Variants in PAK5 observed in about 807,000 individuals in gnomAD.
PAK5 encodes serine/threonine-protein kinase PAK 5.
Under a neutral mutation model 65.9 loss-of-function variants are expected in PAK5, and 16 were observed. The observed-to-expected ratio is 0.24, with a 90% CI of 0.16 to 0.37. PAK5 has a LOEUF of 0.37. PAK5 is among the 10% of genes least tolerant of loss of function. The pLI, the probability that PAK5 is intolerant of heterozygous loss-of-function variation, is 1.00. For synonymous variants in PAK5, 371 were observed against 354.9 expected (o/e 1.05, Z -0.51); for missense variants, 785 against 903.9 (o/e 0.87, Z 1.69).
At chr20:9,694,619 C>T (rs2047844118) in intron 2 of PAK5, among the ~76,000 whole-genome samples, 1 of 151,972 alleles carries the variant, frequency 6.6e-6, no homozygotes, top group Non-Finnish European at 1.5e-5. Flanking sequence ...ATTGATTGGT[C>T]TGCTTGATTT....
chr20:9,738,818 T>TTG (rs35705495), intron 1 of PAK5, among the ~76,000 whole-genome samples: 2,469 of 150,202 alleles, frequency 0.016, 60 homozygotes, highest in African/African-American at 0.055. Context: ...TATGGGCAGT[T>TTG]TGTGTGTGTG....
At chr20:9,636,986 G>T (rs1452041457) in intron 3 of PAK5, among the ~76,000 whole-genome samples, 1 of 151,922 alleles carries the variant, frequency 6.6e-6, no homozygotes, top group Non-Finnish European at 1.5e-5. Context: ...CACTGCATTA[G>T]ATATTAAAAC....
intron 1 of PAK5, among the ~76,000 whole-genome samples, chr20:9,801,165 GTA>G: frequency 6.6e-6 from 1 of 152,120 alleles, no homozygotes; most frequent in South Asian, 2.1e-4. Context: ...AACCTCCCAT[GTA>G]ACTTTTTCAG....
At chr20:9,607,704 C>A (rs1661051473) in intron 3 of PAK5, among the ~76,000 whole-genome samples, 1 of 151,952 alleles carries the variant, frequency 6.6e-6, no homozygotes, top group Non-Finnish European at 1.5e-5. Flanking sequence ...CATGTGCCTG[C>A]AGTCCCAGCT....
intron 2 of PAK5, among the ~76,000 whole-genome samples, chr20:9,676,896 A>G (rs1189657882): frequency 1.3e-5 from 2 of 152,212 alleles, no homozygotes; most frequent in African/African-American, 4.8e-5. Flanking sequence ...TGATATTCTG[A>G]CAATAAAATT....
At chr20:9,813,341 T>C (rs1031015509) in intron 1 of PAK5, among the ~76,000 whole-genome samples, 3 of 152,074 alleles carry the variant, frequency 2.0e-5, no homozygotes, top group African/African-American at 7.2e-5. Flanking sequence ...TCCATGGGTG[T>C]ATATTGTAAG....
intron 1 of PAK5, among the ~76,000 whole-genome samples, chr20:9,753,441 AT>A (rs2123624097): frequency 6.6e-6 from 1 of 152,270 alleles, no homozygotes; most frequent in South Asian, 2.1e-4. Context: ...TATATGATAA[AT>A]TCCTATTCTT....
chr20:9,797,260 G>A (rs2049115192), intron 1 of PAK5, among the ~76,000 whole-genome samples: 1 of 151,758 alleles, frequency 6.6e-6, no homozygotes, highest in South Asian at 2.1e-4. Context: ...TTGTAAATTT[G>A]TTTGTGTTCT....
chr20:9,596,363 A>G (rs1355673869), intron 3 of PAK5, among the ~76,000 whole-genome samples: 5 of 152,112 alleles, frequency 3.3e-5, no homozygotes, highest in East Asian at 1.9e-4. Flanking sequence ...GAGGCCAGGC[A>G]CGGAGGCTCA....
In PAK5 at chr20:9,566,343, C is replaced by T. The variant is rs1184017164; in HGVS notation, c.1032G>A (p.Leu344=). Residue 344 remains leucine (L), a synonymous_variant, in exon 5 of 10, where the codon CTG becomes CTA. Coordinates refer to ENST00000353224, the MANE Select transcript of PAK5 (RefSeq NM_177990.4). ...CCCTGGGGTAGGTGTCAGACCCTGA[C>T]AGTGGAGGGCTGAGGACCATCTGTG... ...DRAQMVLSPP[L]SGSDTYPRGP... is the part of the protein sequence containing the mutation. 1 of 1,613,596 alleles carries T rather than the reference C, an allele frequency of 6.2e-7. No individual in the cohort carries two copies. The highest frequency in any genetic ancestry group is 8.5e-7 in the Non-Finnish European group (1 of 1,179,798).
intron 1 of PAK5, among the ~76,000 whole-genome samples, chr20:9,756,983 C>T (rs1262832545): frequency 6.6e-6 from 1 of 152,146 alleles, no homozygotes; most frequent in African/African-American, 2.4e-5. Flanking sequence ...GCTTTCTTGC[C>T]TTTCACTTGG....
chr20:9,617,549 CTTT>C (rs532259417), intron 3 of PAK5, among the ~76,000 whole-genome samples: 2 of 94,578 alleles, frequency 2.1e-5, no homozygotes, highest in African/African-American at 7.3e-5. Context: ...AATCCCAATC[CTTT>C]TTTTTTTTTT....
intron 1 of PAK5, among the ~76,000 whole-genome samples, chr20:9,771,243 G>A (rs1390745530): frequency 6.6e-6 from 1 of 152,080 alleles, no homozygotes; most frequent in African/African-American, 2.4e-5. Context: ...CTCACTTTTT[G>A]ATAGAGAACA....
intron 1 of PAK5, among the ~76,000 whole-genome samples, chr20:9,829,868 A>C (rs759189317): frequency 2.6e-5 from 4 of 152,248 alleles, no homozygotes; most frequent in Admixed American, 6.5e-5. Flanking sequence ...ATAGCAAAGC[A>C]AGGAGACCCA....
chr20:9,692,678 T>C (rs2047813192), intron 2 of PAK5, among the ~76,000 whole-genome samples: 1 of 152,164 alleles, frequency 6.6e-6, no homozygotes. Context: ...AGTTGTAAAA[T>C]ATACCTTCAC....
intron 2 of PAK5, among the ~76,000 whole-genome samples, chr20:9,701,241 T>C (rs2047936163): frequency 6.6e-6 from 1 of 152,216 alleles, no homozygotes; most frequent in African/African-American, 2.4e-5. Context: ...TCTTTGTGCA[T>C]GTCAAACTTT....
intron 7 of PAK5, among the ~76,000 whole-genome samples, chr20:9,556,737 T>A (rs2045513754): frequency 6.6e-6 from 1 of 152,214 alleles, no homozygotes; most frequent in African/African-American, 2.4e-5. Context: ...GTTGCAGTGA[T>A]GTGAAATACG....
chr20:9,616,513 C>G (rs2046658850), intron 3 of PAK5, among the ~76,000 whole-genome samples: 1 of 152,204 alleles, frequency 6.6e-6, no homozygotes, highest in South Asian at 2.1e-4. Context: ...GTTTCTCAAA[C>G]TTTAACACAT....
intron 2 of PAK5, among the ~76,000 whole-genome samples, chr20:9,676,053 TGG>T (rs2047566764): frequency 6.6e-6 from 1 of 152,148 alleles, no homozygotes; most frequent in Admixed American, 6.6e-5. Flanking sequence ...TGCACATGGC[TGG>T]GGAAGCCTCA....
Sources: allele counts gnomAD v4.1 joint callset (sites outside exome capture counted in the v4.1 genomes callset), GRCh38; gene constraint gnomAD v4.1.1; transcripts MANE v1.5; gene names NCBI Gene and HGNC (gene_info 2026-07-23, HGNC 2026-07-21).